The following DHX29 variants were observed in gnomAD, a reference collection of about 807,000 sequenced individuals.
The protein encoded by DHX29 is DExH-box helicase 29.
In DHX29, 79 loss-of-function variants were observed where a neutral mutation model predicts 167.9. The ratio of observed to expected loss-of-function variants is 0.47; its 90% confidence interval spans 0.39 to 0.57. DHX29 has a LOEUF of 0.57. Ranked by LOEUF, DHX29 falls within the 20% of genes least tolerant of loss-of-function variation. The pLI, the probability that DHX29 is intolerant of heterozygous loss-of-function variation, is 0.00. For synonymous variants in DHX29, 530 were observed against 546.0 expected (o/e 0.97, Z 0.41); for missense variants, 1,347 against 1,593.4 (o/e 0.85, Z 2.63).
chr5:55,264,273 T>A (rs2111796091), intron 23 of DHX29, among the ~76,000 whole-genome samples: 1 of 152,304 alleles, frequency 6.6e-6, no homozygotes, highest in Non-Finnish European at 1.5e-5. Context: ...ACACTTCTAC[T>A]CTCTCTCTTC....
At chr5:55,259,457 C>CT (rs1015156853) in intron 26 of DHX29, among the ~76,000 whole-genome samples, 2 of 152,160 alleles carry the variant, frequency 1.3e-5, no homozygotes, top group South Asian at 4.1e-4. Flanking sequence ...TACAAAGTTT[C>CT]TTTTTTTCTT....
chr5:55,256,683 C>T (rs949595740), intron 26 of DHX29, 143 bp from the exon 27 acceptor site: 8 of 578,580 alleles, frequency 1.4e-5, no homozygotes, highest in African/African-American at 5.8e-5. Context: ...AAACTAGAGA[C>T]ACCTATAAAA....
chr5:55,262,482 G>C (rs1561134174), intron 24 of DHX29, 148 bp downstream of exon 24: 2 of 980,276 alleles, frequency 2.0e-6, no homozygotes, highest in Non-Finnish European at 3.0e-6. Context: ...TGTTTGAGAA[G>C]CTATGTGCAT....
intron 12 of DHX29, among the ~76,000 whole-genome samples, chr5:55,277,905 C>CAAAAAA (rs753851538): frequency 4.8e-5 from 3 of 62,158 alleles, no homozygotes; most frequent in Non-Finnish European, 6.7e-5. Context: ...GACTCTATCT[C>CAAAAAA]AAAAAAAAAA....
In DHX29 at chr5:55,289,446, T is replaced by G. The variant is rs773882110; in HGVS notation, c.908-18A>C. Reference sequence around the variant, plus strand: ...TTCCATTTCTACCAAGAAAAAAATATAATGTTTAGTTTCATGGTTTTAAAA... The same window carrying G: ...TTCCATTTCTACCAAGAAAAAAATAGAATGTTTAGTTTCATGGTTTTAAAA... On this transcript the variant is annotated intron_variant, in intron 7 of 26. Coordinates refer to ENST00000251636, the MANE Select transcript of DHX29 (RefSeq NM_019030.4). The G allele has an allele frequency of 6.6e-6, 10 of 1,510,994 alleles. No individual in the cohort carries two copies. The highest frequency in any genetic ancestry group is 7.9e-6 in the Non-Finnish European group (9 of 1,139,222). 93.6% of individuals were successfully genotyped at this position (1,510,994 alleles called of 1,614,324 possible).
At chr5:55,300,878 T>G (rs142812938) in intron 1 of DHX29, among the ~76,000 whole-genome samples, 226 of 152,242 alleles carry the variant, frequency 1.5e-3, no homozygotes, top group African/African-American at 5.2e-3. Context: ...CATCAGAAAT[T>G]TATTTCTCAT....
chr5:55,260,664 C>A (rs1746272500), intron 25 of DHX29, among the ~76,000 whole-genome samples: 1 of 152,202 alleles, frequency 6.6e-6, no homozygotes, highest in South Asian at 2.1e-4. Context: ...TTTCTTTGCA[C>A]AAACTGCATA....
Position 55,283,591 on chromosome 5 carries a change from T to C in DHX29, c.1577A>G (p.Asn526Ser). The C allele has an allele frequency of 1.9e-6, 3 of 1,614,156 alleles. No individual in the cohort carries two copies. Among genetic ancestry groups the C allele is most frequent in the Non-Finnish European group, 2.5e-6 (3 of 1,180,022 alleles). The change falls in exon 11 of 27, where the codon AAT (asparagine) becomes AGT (serine). Residue 526 changes from asparagine to serine, a missense_variant. Asn to Ser is a conservative substitution (Grantham distance 46, BLOSUM62 1). Transcript: ENST00000251636. ...NSEDPEESWE[N>S]LVSDEDFSAL... ...AGAAAAATCCTCATCCGAAACTAAA[T>C]TTTCCCAAGATTCCTCGGGATCTTC... is the stretch of plus-strand genomic sequence containing the variant.
At chr5:55,274,068 C>CA (rs1467827694) in intron 16 of DHX29, among the ~76,000 whole-genome samples, 1 of 138,616 alleles carries the variant, frequency 7.2e-6, no homozygotes, top group Non-Finnish European at 1.5e-5. Context: ...GCCTGGCCGA[C>CA]AGAGCAAGAC....
intron 16 of DHX29, among the ~76,000 whole-genome samples, chr5:55,274,040 T>C (rs1746979685): frequency 6.6e-6 from 1 of 150,998 alleles, no homozygotes; most frequent in Non-Finnish European, 1.5e-5. Flanking sequence ...TAAGCTGAGA[T>C]TGCGCTATCG....
Position 55,281,411 on chromosome 5 carries a change from ATCT to A in DHX29, c.2067_2069del (p.Glu689del). 2 of 1,602,518 alleles carry A rather than the reference ATCT, an allele frequency of 1.2e-6. No homozygotes were observed. Among genetic ancestry groups the A allele is most frequent in the Non-Finnish European group, 1.7e-6 (2 of 1,174,266 alleles). On this transcript the variant is annotated inframe_deletion, in exon 12 of 27. Transcript: ENST00000251636. ...CATGAGACACATTACTTAGAAGACC[ATCT>A]TCTTGAAGTTTCCTTAGCAAAACCC...
intron 1 of DHX29, among the ~76,000 whole-genome samples, chr5:55,306,535 C>T (rs980542451): frequency 6.6e-6 from 1 of 151,556 alleles, no homozygotes; most frequent in South Asian, 2.1e-4. Flanking sequence ...TGTCTGTGTG[C>T]GTTACCTATT....
Position 55,262,788 on chromosome 5 carries a change from G to C in DHX29, c.3670C>G (p.Leu1224Val). The C allele has an allele frequency of 6.2e-7, 1 of 1,614,070 alleles. No homozygotes were observed. Among genetic ancestry groups the C allele is most frequent in the African/African-American group, 1.3e-5 (1 of 75,010 alleles). The change falls in exon 24 of 27, where the codon CTG becomes GTG. Residue 1224 changes from leucine (L) to valine (V), a missense_variant. By Grantham distance (32) the Leu-to-Val change is conservative. Coordinates refer to ENST00000251636, the MANE Select transcript of DHX29 (RefSeq NM_019030.4). ...ATTATCTTCCCCACATTGTCATACA[G>C]TCCAGCCACCAGTACAGCTTTAAGA... ...ALLKAVLVAG[L>V]YDNVGKIIYT... is the part of the protein sequence containing the mutation.
At chr5:55,269,806 G>A (rs1291281525) in intron 20 of DHX29, among the ~76,000 whole-genome samples, 169 bp from the exon 21 acceptor site, 1 of 151,584 alleles carries the variant, frequency 6.6e-6, no homozygotes, top group African/African-American at 2.4e-5. Context: ...AGAGGAGTTG[G>A]GGGGAAGAGT....
chr5:55,265,083 A>C (rs1746489812), intron 23 of DHX29, among the ~76,000 whole-genome samples: 1 of 40,128 alleles, frequency 2.5e-5, no homozygotes, highest in African/African-American at 6.2e-5. Context: ...GACTCTGAAA[A>C]AAAGAAAAAA....
intron 18 of DHX29, 62 bp from the exon 19 acceptor site, chr5:55,270,768 C>G (rs1383038635): frequency 1.6e-5 from 21 of 1,304,622 alleles, no homozygotes; most frequent in Non-Finnish European, 2.3e-5. Context: ...TTGGAAAAAG[C>G]TGGATTTGAC....
In DHX29 at chr5:55,259,906, T is replaced by C. The variant is rs367653954; in HGVS notation, c.3999A>G (p.Arg1333=). 12 of 1,612,642 alleles carry C rather than the reference T, an allele frequency of 7.4e-6. No homozygotes were observed. Among genetic ancestry groups the C allele is most frequent in the South Asian group, 1.1e-5 (1 of 91,018 alleles). The change falls in exon 26 of 27, where the codon AGA becomes AGG. Residue 1333 remains arginine, a synonymous_variant. Transcript: ENST00000251636. ...TTCTTAAAACTGAATCAATGAGAACTCTCAGCTGCTTGAAAATGACAGCTA... is the reference window on the plus strand; with the variant it reads ...TTCTTAAAACTGAATCAATGAGAACCCTCAGCTGCTTGAAAATGACAGCTA... ...VKIAVIFKQL[R]VLIDSVLRKK...
At chr5:55,288,499 C>T (rs1241578703) in intron 8 of DHX29, among the ~76,000 whole-genome samples, 1 of 150,740 alleles carries the variant, frequency 6.6e-6, no homozygotes, top group Non-Finnish European at 1.5e-5. Context: ...TTTAGAAGAC[C>T]ATTCAGTCTG....
chr5:55,291,444 C>T (rs755787973), intron 6 of DHX29, among the ~76,000 whole-genome samples: 7 of 152,176 alleles, frequency 4.6e-5, no homozygotes, highest in Non-Finnish European at 7.3e-5. Context: ...AATACTTATC[C>T]TTTCCATCTT....
Sources: gnomAD v4.1 joint callset for allele counts (sites outside exome capture counted in the v4.1 genomes callset) on GRCh38, gnomAD v4.1.1 for gene constraint, MANE v1.5 for transcripts, NCBI Gene and HGNC (gene_info 2026-07-23, HGNC 2026-07-21) for gene names.